TNRC6B: variants seen among roughly 807,000 people sequenced by gnomAD.
The protein encoded by TNRC6B is trinucleotide repeat-containing gene 6B protein.
TNRC6B carries 52 observed loss-of-function variants against 203.6 expected under a neutral mutation model. The ratio of observed to expected loss-of-function variants is 0.26; its 90% CI spans 0.20 to 0.32. TNRC6B has a LOEUF of 0.32. TNRC6B is among the 10% of genes least tolerant of loss of function. The pLI is 1.00. For missense variants in TNRC6B, 1,923 were observed against 2,286.2 expected, an observed-to-expected ratio of 0.84 and a Z score of 3.24; for synonymous variants, 838 against 845.7, an observed-to-expected ratio of 0.99 and a Z score of 0.16.
In TNRC6B at chr22:40,326,725, A is replaced by C. The variant is rs181982707; in HGVS notation, c.*3484A>C. The C allele has an allele frequency of 3.9e-5, 6 of 152,786 alleles. No homozygotes were observed. Among genetic ancestry groups the C allele is most frequent in the African/African-American group, 1.4e-4 (6 of 41,580 alleles). The allele number at this position is 152,786 out of a possible 1,614,324, so 9.5% of individuals were successfully genotyped here. ...AGTACAGTTGGATTGCTGAGAATCTATGTAAAGAGTTAGGAAATATAGGTT... is the reference window on the plus strand; with the variant it reads ...AGTACAGTTGGATTGCTGAGAATCTCTGTAAAGAGTTAGGAAATATAGGTT... On this transcript the variant is annotated 3_prime_UTR_variant, in exon 23 of 23. Coordinates refer to ENST00000454349, the MANE Select transcript of TNRC6B (RefSeq NM_001162501.2).
chr22:40,219,773 C>T (rs1270274062), intron 1 of TNRC6B, among the ~76,000 whole-genome samples: 1 of 152,176 alleles, frequency 6.6e-6, no homozygotes, highest in South Asian at 2.1e-4. Flanking sequence ...ACCCATTCCC[C>T]GTCCTCTCTA....
At chr22:40,244,409 A>G (rs1349284442) in intron 1 of TNRC6B, among the ~76,000 whole-genome samples, 1 of 152,148 alleles carries the variant, frequency 6.6e-6, no homozygotes, top group African/African-American at 2.4e-5. Context: ...AGAAAGGCTA[A>G]TATTTGAATG....
chr22:40,321,006 C>T, intron 21 of TNRC6B, 84 bp from the exon 22 acceptor site: 1 of 1,532,592 alleles, frequency 6.5e-7, no homozygotes, highest in Admixed American at 1.7e-5. Flanking sequence ...CACACTAGGT[C>T]TCAGCCAGTG....
intron 1 of TNRC6B, among the ~76,000 whole-genome samples, chr22:40,207,822 G>A (rs1426231853): frequency 6.6e-6 from 1 of 152,014 alleles, no homozygotes; most frequent in Non-Finnish European, 1.5e-5. Context: ...AAAGAATTAA[G>A]AAAATACCGG....
chr22:40,155,872 C>T (rs866701417), intron 3 of TNRC6B, among the ~76,000 whole-genome samples: 16 of 152,132 alleles, frequency 1.1e-4, no homozygotes, highest in Admixed American at 2.6e-4. Context: ...GATTCATCAC[C>T]GTTCTTTTAT....
At chr22:40,132,969 A>ATATAT (rs1555884686) in intron 3 of TNRC6B, among the ~76,000 whole-genome samples, 2,010 of 77,976 alleles carry the variant, frequency 0.026, 60 homozygotes, top group African/African-American at 0.069. Flanking sequence ...AAAAAAAAAA[A>ATATAT]ATATATATAT....
intron 1 of TNRC6B, among the ~76,000 whole-genome samples, chr22:40,199,539 C>T (rs2069382781): frequency 6.6e-6 from 1 of 152,028 alleles, no homozygotes; most frequent in East Asian, 1.9e-4. Flanking sequence ...GGCCTGTAAT[C>T]CTCAAAAATT....
intron 1 of TNRC6B, among the ~76,000 whole-genome samples, chr22:40,190,649 G>T (rs144176731): frequency 2.1e-4 from 32 of 152,276 alleles, no homozygotes; most frequent in African/African-American, 6.3e-4. Flanking sequence ...TAATCAGGAG[G>T]GCCATGGCCA....
intron 1 of TNRC6B, among the ~76,000 whole-genome samples, chr22:40,097,120 G>A (rs1302225802): frequency 3.3e-5 from 5 of 152,202 alleles, no homozygotes; most frequent in Non-Finnish European, 4.4e-5. Flanking sequence ...TCACTGGGGA[G>A]TTTGGACTGT....
chr22:40,304,890 G>T (rs1007015507), intron 15 of TNRC6B, among the ~76,000 whole-genome samples: 18 of 152,202 alleles, frequency 1.2e-4, no homozygotes, highest in African/African-American at 4.1e-4. Flanking sequence ...GATACCAAGT[G>T]TACATGTGGA....
chr22:40,201,248 T>A (rs1230484257), intron 1 of TNRC6B, among the ~76,000 whole-genome samples: 1 of 152,152 alleles, frequency 6.6e-6, no homozygotes. Flanking sequence ...TTTTAGTGGC[T>A]TTGTTAGAGT....
chr22:40,053,685 G>A (rs755616436), intron 1 of TNRC6B, among the ~76,000 whole-genome samples: 1 of 152,156 alleles, frequency 6.6e-6, no homozygotes, highest in East Asian at 1.9e-4. Flanking sequence ...ATACTGTACT[G>A]TGTCTGTCAT....
At chr22:40,121,062 T>A (rs1568989494) in intron 2 of TNRC6B, among the ~76,000 whole-genome samples, 1 of 152,138 alleles carries the variant, frequency 6.6e-6, no homozygotes, top group Non-Finnish European at 1.5e-5. Flanking sequence ...GCCAGGAATA[T>A]GAAAAATTGG....
chr22:40,089,106 G>A (rs1189603142), intron 1 of TNRC6B, among the ~76,000 whole-genome samples: 1 of 152,126 alleles, frequency 6.6e-6, no homozygotes, highest in African/African-American at 2.4e-5. Flanking sequence ...AAACAAATGA[G>A]TAATTATGTG....
chr22:40,159,765 A>G (rs1812922320), intron 4 of TNRC6B, among the ~76,000 whole-genome samples: 2 of 152,088 alleles, frequency 1.3e-5, no homozygotes, highest in South Asian at 4.1e-4. Context: ...TCCCAATATC[A>G]TTCTTCTAAG....
chr22:40,184,602 T>C (rs1001893653), intron 1 of TNRC6B, among the ~76,000 whole-genome samples: 1 of 152,174 alleles, frequency 6.6e-6, no homozygotes, highest in Non-Finnish European at 1.5e-5. Flanking sequence ...TCTGGTGTGT[T>C]GTGGAAACTG....
intron 4 of TNRC6B, among the ~76,000 whole-genome samples, chr22:40,168,435 G>T (rs555238655): frequency 6.6e-6 from 1 of 152,270 alleles, no homozygotes; most frequent in Non-Finnish European, 1.5e-5. Context: ...ACAGATGGGG[G>T]TACTGGACTC....
intron 3 of TNRC6B, among the ~76,000 whole-genome samples, chr22:40,131,942 G>C (rs1363031344): frequency 3.3e-5 from 5 of 152,168 alleles, no homozygotes; most frequent in Admixed American, 2.0e-4. Context: ...GACCACTTCA[G>C]GGCTTATTTA....
At chr22:40,316,988 C>T (rs1304573633) in intron 21 of TNRC6B, among the ~76,000 whole-genome samples, 1 of 152,120 alleles carries the variant, frequency 6.6e-6, no homozygotes, top group Non-Finnish European at 1.5e-5. Context: ...ATTTGCTATA[C>T]AAATGTGCAT....
Sources: allele counts gnomAD v4.1 joint callset (sites outside exome capture counted in the v4.1 genomes callset), GRCh38; gene constraint gnomAD v4.1.1; transcripts MANE v1.5; gene names NCBI Gene and HGNC (gene_info 2026-07-23, HGNC 2026-07-21).